Variants in NEBL observed in about 807,000 individuals in gnomAD.
NEBL encodes the protein nebulette, also known as LIM and SH3 protein 2.
In NEBL, 122 loss-of-function variants were observed where a neutral mutation model predicts 140.2. The observed-to-expected ratio is 0.87, with a 90% CI of 0.75 to 1.01. The LOEUF (loss-of-function observed/expected upper bound fraction) is 1.01, where lower values mean the gene tolerates loss of function less well. Ranked by LOEUF, NEBL falls within the 50% of genes least tolerant of loss-of-function variation. The pLI, the probability that NEBL is intolerant of heterozygous loss-of-function variation, is 0.00. For missense variants in NEBL, 1,365 were observed against 1,231.3 expected, an observed-to-expected ratio of 1.11 and a Z score of -1.62; for synonymous variants, 436 against 398.9, an observed-to-expected ratio of 1.09 and a Z score of -1.11.
intron 2 of NEBL, among the ~76,000 whole-genome samples, chr10:21,092,671 C>A (rs1206531572): frequency 2.0e-5 from 3 of 151,264 alleles, no homozygotes; most frequent in African/African-American, 4.9e-5. Context: ...CTTTAGTAGC[C>A]AACAGGCCTT....
chr10:20,872,479 G>C (rs1264174811), intron 5 of NEBL, among the ~76,000 whole-genome samples: 1 of 152,104 alleles, frequency 6.6e-6, no homozygotes. Context: ...AATATATATG[G>C]AATGGCAACA....
intron 3 of NEBL, among the ~76,000 whole-genome samples, chr10:21,243,773 C>T (rs1034917890): frequency 1.5e-4 from 23 of 152,232 alleles, no homozygotes; most frequent in Middle Eastern, 3.4e-3. Flanking sequence ...CCACACACAG[C>T]GGCAATGGGG....
intron 2 of NEBL, among the ~76,000 whole-genome samples, chr10:21,126,773 G>A (rs532048181): frequency 1.7e-4 from 26 of 151,822 alleles, no homozygotes; most frequent in Non-Finnish European, 1.3e-4. Flanking sequence ...AGGACTTTGA[G>A]ACCACCCTGA....
At chr10:20,985,540 G>A (rs78837996) in intron 3 of NEBL, among the ~76,000 whole-genome samples, 239 of 152,194 alleles carry the variant, frequency 1.6e-3, no homozygotes, top group African/African-American at 5.5e-3. Flanking sequence ...TCATTACCAT[G>A]AAATCTCAAT....
At chr10:20,996,481 G>A (rs1837669262) in intron 3 of NEBL, among the ~76,000 whole-genome samples, 1 of 152,158 alleles carries the variant, frequency 6.6e-6, no homozygotes, top group Non-Finnish European at 1.5e-5. Flanking sequence ...CTGGATCGAT[G>A]CCTTATCACC....
intron 2 of NEBL, among the ~76,000 whole-genome samples, chr10:21,164,878 T>C (rs1413430490): frequency 6.6e-6 from 1 of 152,192 alleles, no homozygotes; most frequent in Non-Finnish European, 1.5e-5. Flanking sequence ...CGTCAGATAC[T>C]GTGTCAAGGG....
At chr10:21,209,551 C>G (rs1012194453) in intron 3 of NEBL, among the ~76,000 whole-genome samples, 1 of 151,734 alleles carries the variant, frequency 6.6e-6, no homozygotes, top group Non-Finnish European at 1.5e-5. Context: ...CCAGTGACCA[C>G]AGGACCCAAT....
intron 1 of NEBL, among the ~76,000 whole-genome samples, chr10:21,259,769 C>T (rs557314014): frequency 1.3e-5 from 2 of 151,360 alleles, no homozygotes; most frequent in South Asian, 4.1e-4. Flanking sequence ...TGTAGTAATC[C>T]AGGCCTAAAC....
intron 3 of NEBL, among the ~76,000 whole-genome samples, chr10:20,965,358 C>A (rs1836258191): frequency 6.6e-6 from 1 of 152,198 alleles, no homozygotes; most frequent in Admixed American, 6.5e-5. Flanking sequence ...CCCTTCTAGA[C>A]AGGGTGGTCA....
chr10:20,782,951 T>C lies in NEBL; in HGVS notation c.*2796A>G, dbSNP rs942200967. The stretch of plus-strand genomic sequence containing the variant: ...TATACAGCTTTGTTTTCAGAACCTT[T>C]TAAAAGTGTATCAAACTGTTCCTTG... On this transcript the variant is annotated 3_prime_UTR_variant, in exon 28 of 28. Coordinates refer to ENST00000377122, the MANE Select transcript of NEBL (RefSeq NM_006393.3). 1 of 152,644 alleles carries C rather than the reference T, an allele frequency of 6.6e-6. No homozygotes were observed. Among genetic ancestry groups the C allele is most frequent in the African/African-American group, 2.4e-5 (1 of 41,466 alleles). The allele number at this position is 152,644 out of a possible 1,614,324, so 9.5% of individuals were successfully genotyped here.
At chr10:21,064,755 AT>A (rs1224078601) in intron 2 of NEBL, among the ~76,000 whole-genome samples, 1 of 152,184 alleles carries the variant, frequency 6.6e-6, no homozygotes, top group Non-Finnish European at 1.5e-5. Context: ...TGTAAATTTG[AT>A]TCTGAAAAAC....
At chr10:21,248,006 T>C (rs969454121) in intron 2 of NEBL, 40 of 226,316 alleles carry the variant, frequency 1.8e-4, no homozygotes, top group African/African-American at 9.3e-4. Flanking sequence ...AAGGAAATTA[T>C]GATTAAAAAA....
At chr10:21,237,332 G>A (rs1228903671) in intron 3 of NEBL, among the ~76,000 whole-genome samples, 2 of 151,846 alleles carry the variant, frequency 1.3e-5, no homozygotes, top group Non-Finnish European at 2.9e-5. Flanking sequence ...AGCCTCCCGA[G>A]TAGCTAAGAT....
At chr10:21,030,204 G>C (rs956890678) in intron 2 of NEBL, 6 of 501,778 alleles carry the variant, frequency 1.2e-5, no homozygotes, top group African/African-American at 1.2e-4. Flanking sequence ...CTAGAATGAC[G>C]GCCTCGGGAG....
upstream of NEBL, among the ~76,000 whole-genome samples, chr10:20,900,206 T>C (rs1388917505): frequency 1.3e-5 from 2 of 152,242 alleles, no homozygotes; most frequent in East Asian, 1.9e-4. Context: ...TTTACTTTTC[T>C]ACTTTAGTAC....
chr10:20,821,266 C>T (rs771595120), intron 19 of NEBL, among the ~76,000 whole-genome samples: 2 of 152,188 alleles, frequency 1.3e-5, no homozygotes, highest in Non-Finnish European at 2.9e-5. Flanking sequence ...GTGTGCTTCA[C>T]AAGCAATATC....
chr10:20,981,849 C>T (rs1458717554), intron 3 of NEBL, among the ~76,000 whole-genome samples: 1 of 152,166 alleles, frequency 6.6e-6, no homozygotes, highest in Non-Finnish European at 1.5e-5. Flanking sequence ...AGCCTATGAG[C>T]CCCTCTTAGC....
At chr10:21,288,278 G>A (rs1243401120) in intron 1 of NEBL, among the ~76,000 whole-genome samples, 2 of 152,064 alleles carry the variant, frequency 1.3e-5, no homozygotes, top group African/African-American at 2.4e-5. Flanking sequence ...GACCAGCCTG[G>A]CCAACATAAT....
In NEBL at chr10:20,828,772, A is replaced by G. The variant is rs1001507214; in HGVS notation, c.1672-138T>C. 7 of 641,298 alleles carry G rather than the reference A, an allele frequency of 1.1e-5. No homozygotes were observed. In the African/African-American group the frequency reaches 1.3e-4, roughly 12 times the overall value. The allele number at this position is 641,298 out of a possible 1,614,324, so 39.7% of individuals were successfully genotyped here. On this transcript the variant is annotated intron_variant, in intron 16 of 27. Transcript: ENST00000377122. ...TTTACTGACTTACACTCCCAGAGAG[A>G]GAGAGAGAGAGGTGGAGAGACAGAG...
Sources: gnomAD v4.1 joint callset for allele counts (sites outside exome capture counted in the v4.1 genomes callset) on GRCh38, gnomAD v4.1.1 for gene constraint, MANE v1.5 for transcripts, NCBI Gene and HGNC (gene_info 2026-07-23, HGNC 2026-07-21) for gene names.